Variants in BRAF observed in about 807,000 individuals in gnomAD.
The protein encoded by BRAF is B-Raf proto-oncogene, serine/threonine kinase, also known as serine/threonine-protein kinase B-raf.
A neutral mutation model predicts 104.6 loss-of-function variants in BRAF; 16 were observed. The ratio of observed to expected loss-of-function variants is 0.15; its 90% CI spans 0.10 to 0.23. BRAF has a LOEUF of 0.23. Ranked by LOEUF, BRAF falls within the 10% of genes least tolerant of loss-of-function variation. BRAF has a pLI of 1.00. For missense variants in BRAF, 541 were observed against 937.3 expected, an observed-to-expected ratio of 0.58 and a Z score of 5.52; for synonymous variants, 310 against 341.6, an observed-to-expected ratio of 0.91 and a Z score of 1.02.
intron 15 of BRAF, 45 bp downstream of exon 14, chr7:140,754,142 G>A (rs1798011969): frequency 6.4e-7 from 1 of 1,570,024 alleles, no homozygotes; most frequent in Non-Finnish European, 8.8e-7. Flanking sequence ...AGAAGAAAAA[G>A]TCAGGATGTT....
intron 2 of BRAF, among the ~76,000 whole-genome samples, chr7:140,842,474 G>T (rs957685197): frequency 3.3e-5 from 5 of 152,174 alleles, no homozygotes; most frequent in Admixed American, 3.3e-4. Context: ...AAATTCTGAA[G>T]TAGTTAGGAC....
chr7:140,905,944 C>T (rs971655037), intron 1 of BRAF, among the ~76,000 whole-genome samples: 285 of 149,558 alleles, frequency 1.9e-3, no homozygotes, highest in African/African-American at 6.4e-3. Flanking sequence ...AAAAATTAGC[C>T]GGGCGTAGTG....
In BRAF at chr7:140,834,793, G is replaced by C. The variant is rs2129062204; in HGVS notation, c.320C>G (p.Thr107Ser). 1.2e-6 allele frequency: 2 copies of C among 1,614,194 alleles called. No individual in the cohort carries two copies. Among genetic ancestry groups the C allele is most frequent in the Non-Finnish European group, 1.7e-6 (2 of 1,180,012 alleles). Residue 107 changes from threonine (T) to serine (S), a missense_variant, in exon 3 of 20, where the codon ACT becomes AGT. Coordinates refer to ENST00000644969, the MANE Select transcript of BRAF (RefSeq NM_001374258.1). The part of the protein sequence containing the change: ...QQLLESLGNG[T>S]DFSVSSSASM... ...TGCAGAGCTAGAAACAGAAAAATCA[G>C]TTCCGTTCCCCAGAGATTCCAATAA...
At chr7:140,785,535 T>C (rs1267645) in intron 10 of BRAF, among the ~76,000 whole-genome samples, 45,415 of 152,204 alleles carry the variant, frequency 0.3, 10,816 homozygotes, top group African/African-American at 0.66. Flanking sequence ...GTGTGAGACG[T>C]ACATTCAAAG....
intron 7 of BRAF, among the ~76,000 whole-genome samples, chr7:140,796,449 C>A (rs1802506356): frequency 6.6e-6 from 1 of 151,708 alleles, no homozygotes; most frequent in South Asian, 2.1e-4. Context: ...GCAGAGATGG[C>A]AGTAAGTCAC....
chr7:140,742,752 T>A (rs551719664), intron 17 of BRAF, among the ~76,000 whole-genome samples: 1 of 152,060 alleles, frequency 6.6e-6, no homozygotes, highest in African/African-American at 2.4e-5. Flanking sequence ...AGCTTCTGCA[T>A]AGCAAAAGAA....
intron 19 of BRAF, chr7:140,734,141 C>T (rs1562930776): frequency 9.4e-7 from 1 of 1,061,132 alleles, no homozygotes; most frequent in African/African-American, 1.6e-5. Context: ...ATTCTACTGA[C>T]TTCCTAAATT....
At chr7:140,855,716 AAAGAT>A (rs1809704305) in intron 1 of BRAF, among the ~76,000 whole-genome samples, 1 of 151,992 alleles carries the variant, frequency 6.6e-6, no homozygotes, top group African/African-American at 2.4e-5. Flanking sequence ...AAAACTCAAC[AAAGAT>A]AACATAAAAA....
At chr7:140,820,137 A>C (rs1328368821) in intron 3 of BRAF, among the ~76,000 whole-genome samples, 1 of 152,204 alleles carries the variant, frequency 6.6e-6, no homozygotes, top group Non-Finnish European at 1.5e-5. Context: ...TCATACAGAC[A>C]AACAATACAC....
At chr7:140,815,440 T>C (rs1016841414) in intron 3 of BRAF, among the ~76,000 whole-genome samples, 5 of 148,320 alleles carry the variant, frequency 3.4e-5, no homozygotes, top group Non-Finnish European at 7.4e-5. Context: ...CCATTTTTTT[T>C]TTTTTTTTTT....
chr7:140,734,494 T>TAA, intron 19 of BRAF: 1 of 1,565,936 alleles, frequency 6.4e-7, no homozygotes, highest in South Asian at 1.1e-5. Flanking sequence ...TGGTTCACCT[T>TAA]AAAAAAAAAG....
chr7:140,740,033 G>A (rs2130902389), intron 17 of BRAF, 87 bp from the exon 17 acceptor site: 2 of 1,394,582 alleles, frequency 1.4e-6, no homozygotes, highest in Non-Finnish European at 2.0e-6. Context: ...ACAATAAGCT[G>A]TACATTTACA....
chr7:140,761,755 C>T (rs1304577505), intron 14 of BRAF, among the ~76,000 whole-genome samples: 6 of 152,126 alleles, frequency 3.9e-5, no homozygotes, highest in Non-Finnish European at 8.8e-5. Flanking sequence ...TCTGATAAAA[C>T]AGACTTTAAA....
At chr7:140,799,940 T>C (rs146160123) in intron 7 of BRAF, 25 of 347,306 alleles carry the variant, frequency 7.2e-5, no homozygotes, top group Non-Finnish European at 1.2e-4. Flanking sequence ...GGTTCTGAAA[T>C]AGTCTATGTC....
chr7:140,799,031 T>C, intron 7 of BRAF: 1 of 175,566 alleles, frequency 5.7e-6, no homozygotes, highest in East Asian at 9.9e-5. Context: ...TTTTTGTATC[T>C]TTAGTAGAGA....
At position 140,801,422 on chromosome 7, in the gene BRAF, C is replaced by T; in HGVS notation, c.850G>A (p.Asp284Asn). 1.2e-6 allele frequency: 2 copies of T among 1,613,758 alleles called. No homozygotes were observed. The highest frequency in any genetic ancestry group is 1.7e-6 in the Non-Finnish European group (2 of 1,179,814). The change falls in exon 6 of 20, where the codon GAC (aspartate) becomes AAC (asparagine). Residue 284 changes from aspartate (D) to asparagine (N), a missense_variant. By Grantham distance (23) the Asp-to-Asn change is conservative. Around this residue, in one of 10 missense-constraint regions of BRAF, gnomAD observed 19 missense variants for 51.8 expected, o/e 0.37. Transcript: ENST00000644969. ...TTTTGGATTACTTACTCAAGTTGGT[C>T]ATAATTAACACACATCAGTGGAACT... The part of the protein sequence containing the change: ...TEVPLMCVNY[D>N]QLDLLFVSKF...
chr7:140,826,233 T>C (rs771181634), intron 3 of BRAF, among the ~76,000 whole-genome samples: 8 of 152,220 alleles, frequency 5.3e-5, no homozygotes, highest in Non-Finnish European at 1.2e-4. Flanking sequence ...ATACTGAAAT[T>C]TTACTTAAAG....
At chr7:140,826,525 T>C (rs181200351) in intron 3 of BRAF, among the ~76,000 whole-genome samples, 1 of 152,242 alleles carries the variant, frequency 6.6e-6, no homozygotes, top group Non-Finnish European at 1.5e-5. Flanking sequence ...CTGACAGAGA[T>C]AGAAATGAAA....
chr7:140,852,434 AC>A (rs1458581755), intron 1 of BRAF, among the ~76,000 whole-genome samples: 6 of 151,934 alleles, frequency 3.9e-5, no homozygotes, highest in African/African-American at 1.2e-4. Context: ...AACAAAACAC[AC>A]AGCAGAAGCT....
Sources: gnomAD v4.1 joint callset for allele counts (sites outside exome capture counted in the v4.1 genomes callset) on GRCh38, gnomAD v4.1.1 for gene constraint, gnomAD v4.1.1 regional missense constraint, MANE v1.5 for transcripts, NCBI Gene and HGNC (gene_info 2026-07-23, HGNC 2026-07-21) for gene names.